Variants in IL12RB1 observed in about 807,000 individuals in gnomAD.
IL12RB1 encodes interleukin-12 receptor subunit beta-1.
Under a neutral mutation model 94.4 loss-of-function variants are expected in IL12RB1, and 64 were observed. The observed-to-expected ratio is 0.68, with a 90% CI of 0.55 to 0.83. The LOEUF (loss-of-function observed/expected upper bound fraction) is 0.83, where lower values mean the gene tolerates loss of function less well. IL12RB1 is among the 40% of genes least tolerant of loss of function. The pLI is 0.00. For synonymous variants in IL12RB1, 362 were observed against 355.5 expected (o/e 1.02, Z -0.21); for missense variants, 814 against 855.6 (o/e 0.95, Z 0.61).
In IL12RB1 at chr19:18,077,548, G is replaced by A. The variant is rs144702323; in HGVS notation, c.517C>T (p.Arg173Trp). 2.2e-5 allele frequency: 36 copies of A among 1,612,204 alleles called. No individual in the cohort carries two copies. Among genetic ancestry groups the A allele is most frequent in the Middle Eastern group, 1.7e-4 (1 of 6,046 alleles). ...CATGGGCTGCTGGGTGTCCGGTGCCGGAACTGCACCTCAGCACCAACCTGG... is the reference window on the plus strand; with the variant it reads ...CATGGGCTGCTGGGTGTCCGGTGCCAGAACTGCACCTCAGCACCAACCTGG... The part of the protein sequence containing the change: ...DNQVGAEVQF[R>W]HRTPSSPWKL... The change falls in exon 5 of 17, where the codon CGG (arginine) becomes TGG (tryptophan). Residue 173 changes from arginine (R) to tryptophan (W), a missense_variant. By Grantham distance (101) the Arg-to-Trp change is moderately radical. Coordinates refer to ENST00000593993, the MANE Select transcript of IL12RB1 (RefSeq NM_005535.3).
At chr19:18,077,700 G>A (rs1271073270) in intron 4 of IL12RB1, 45 bp from the exon 5 acceptor site, 1 of 1,261,420 alleles carries the variant, frequency 7.9e-7, no homozygotes, top group Non-Finnish European at 1.2e-6. Context: ...CCACACGTAT[G>A]TGAGTTAATG....
chr19:18,075,574 T>A lies in IL12RB1; in HGVS notation c.700+175A>T, dbSNP rs966192714. On this transcript the variant is annotated intron_variant, in intron 7 of 16. Coordinates refer to ENST00000593993, the MANE Select transcript of IL12RB1 (RefSeq NM_005535.3). ...CCACGCCCAGCCCCATTTTATTTTA[T>A]TTTTTAGAGATGGGGTCTCACTATG... 3.9e-5 allele frequency among the ~76,000 whole-genome samples: 6 copies of A among 152,142 alleles called. 1 individual carries two copies. The highest frequency in any genetic ancestry group is 1.4e-4 in the African/African-American group (6 of 41,436).
chr19:18,063,073 C>CTTT (rs2034272744), intron 13 of IL12RB1, among the ~76,000 whole-genome samples: 2 of 109,410 alleles, frequency 1.8e-5, no homozygotes, highest in Admixed American at 1.1e-4. Flanking sequence ...CCTTCTTCTT[C>CTTT]TTCTATTTTT....
intron 1 of IL12RB1, among the ~76,000 whole-genome samples, chr19:18,096,837 A>T (rs1420786322): frequency 1.3e-5 from 2 of 150,840 alleles, no homozygotes; most frequent in African/African-American, 4.9e-5. Flanking sequence ...TAAATTAAAA[A>T]AAAAAAAAAA....
chr19:18,080,329 C>T (rs2035802796), intron 4 of IL12RB1, among the ~76,000 whole-genome samples: 1 of 152,146 alleles, frequency 6.6e-6, no homozygotes, highest in African/African-American at 2.4e-5. Context: ...ACCTCCACCT[C>T]CCGGGTTCAA....
chr19:18,069,524 GCAGGCCATTC>G lies in IL12RB1; in HGVS notation c.1189+12_1189+21del. On this transcript the variant is annotated intron_variant, in intron 10 of 16. Coordinates refer to ENST00000593993, the MANE Select transcript of IL12RB1 (RefSeq NM_005535.3). ...GGGAGGGCACAGAGGAGGGGTAGGC[GCAGGCCATTC>G]CAGGCCATTACCCATTCCAGCCGGA... is the stretch of plus-strand genomic sequence containing the variant. The G allele has an allele frequency of 6.3e-7, 1 of 1,588,528 alleles. No homozygotes were observed. The highest frequency in any genetic ancestry group is 1.9e-4 in the Middle Eastern group (1 of 5,190).
intron 6 of IL12RB1, 94 bp downstream of exon 6, chr19:18,076,203 C>T (rs770470477): frequency 2.2e-5 from 17 of 780,164 alleles, no homozygotes; most frequent in Non-Finnish European, 3.3e-5. Flanking sequence ...AAGAGGCATA[C>T]AAAAAAATTC....
At chr19:18,069,426 AG>A (rs1233798891) in intron 10 of IL12RB1, 119 bp downstream of exon 10, 2 of 970,518 alleles carry the variant, frequency 2.1e-6, no homozygotes, top group East Asian at 5.3e-5. Context: ...TTGAGTAAGC[AG>A]CAACACCTCT....
intron 10 of IL12RB1, among the ~76,000 whole-genome samples, chr19:18,069,191 G>A (rs548324453): frequency 2.2e-4 from 34 of 152,274 alleles, no homozygotes; most frequent in South Asian, 1.0e-3. Flanking sequence ...TGAGCCTCAC[G>A]GCCCCCCTTT....
In IL12RB1 at chr19:18,059,963, A is replaced by G. The variant is rs199686420; in HGVS notation, c.1914T>C (p.Pro638=). 1.4e-3 allele frequency: 2,282 copies of G among 1,598,992 alleles called. 5 individuals are homozygous for G. The highest frequency in any genetic ancestry group is 1.7e-3 in the Middle Eastern group (10 of 6,044). Residue 638 remains proline, a synonymous_variant, in exon 16 of 17, where the codon CCT becomes CCC. Transcript: ENST00000593993. ...RTEPLEKTEL[P]EGAPELALDT... The stretch of plus-strand genomic sequence containing the variant: ...CCAGGGCCAGCTCAGGGGCACCCTC[A>G]GGTAGCTCTGTCTTCTCGAGAGGCT...
In IL12RB1 at chr19:18,059,439, T is replaced by C. The variant is rs2033960641; in HGVS notation, c.*169A>G. 9.2e-6 allele frequency: 6 copies of C among 652,872 alleles called. No individual in the cohort carries two copies. Among genetic ancestry groups the C allele is most frequent in the South Asian group, 6.7e-5 (4 of 59,602 alleles). 40.4% of individuals were successfully genotyped at this position (652,872 alleles called of 1,614,324 possible). On this transcript the variant is annotated 3_prime_UTR_variant, in exon 17 of 17. Transcript: ENST00000593993. ...GCAGGGTGCAGCAGCTTCCATTTCA[T>C]GGCAGCATCTAGGGTTCCCCCGCAG...
rs567051378 is a variant in IL12RB1 at position 18,061,127 on chromosome 19, T to C, written c.1786A>G (p.Lys596Glu). ...ATTAGAAAAGGCATCCTTACCTCCT[T>C]CCCTCCAGGGAACTCAATGGCGGAG... ...ASSAIEFPGG[K>E]ETWQWINPVD... The change falls in exon 15 of 17, where the codon AAG becomes GAG. Residue 596 changes from lysine to glutamate, a missense_variant. By Grantham distance (56) the Lys-to-Glu change is moderately conservative (BLOSUM62 1). Coordinates refer to ENST00000593993, the MANE Select transcript of IL12RB1 (RefSeq NM_005535.3). The C allele has an allele frequency of 3.8e-4, 591 of 1,572,068 alleles. 6 individuals carry two copies. In the South Asian group the frequency reaches 6.4e-3, roughly 17 times the overall value.
intron 1 of IL12RB1, chr19:18,098,682 C>T (rs1240574343): frequency 8.8e-6 from 4 of 455,652 alleles, no homozygotes; most frequent in Admixed American, 2.4e-5. Flanking sequence ...TGGCCATTTT[C>T]CTCTGGGACT....
chr19:18,068,406 T>A lies in IL12RB1; in HGVS notation c.1310A>T (p.Tyr437Phe). 6.2e-7 allele frequency: 1 copy of A among 1,612,526 alleles called. No individual in the cohort carries two copies. The highest frequency in any genetic ancestry group is 8.5e-7 in the Non-Finnish European group (1 of 1,179,194). Residue 437 changes from tyrosine (Y) to phenylalanine (F), a missense_variant, in exon 11 of 17, where the codon TAC (tyrosine) becomes TTC (phenylalanine). Tyr to Phe is a conservative substitution (Grantham distance 22). Transcript: ENST00000593993. ...LTLWSTVLSTYHFGGNASAAG... is the reference protein window; with the variant it reads ...LTLWSTVLSTFHFGGNASAAG... ...TCACTTACCATTGCCCCCAAAGTGG[T>A]AGGTGGACAGGACCGTAGACCACAA... is the stretch of plus-strand genomic sequence containing the variant.
At chr19:18,066,473 A>G (rs1346395265) in intron 12 of IL12RB1, 69 bp downstream of exon 12, 2 of 1,141,152 alleles carry the variant, frequency 1.8e-6, no homozygotes, top group Non-Finnish European at 2.6e-6. Flanking sequence ...CCAGGGTCAC[A>G]CAGCAAGAGA....
At chr19:18,060,392 T>TCC (rs2034035416) in intron 15 of IL12RB1, among the ~76,000 whole-genome samples, 1 of 152,010 alleles carries the variant, frequency 6.6e-6, no homozygotes, top group African/African-American at 2.4e-5. Context: ...AGCAGGAGAA[T>TCC]CGTTTGAACC....
intron 1 of IL12RB1, among the ~76,000 whole-genome samples, chr19:18,085,713 G>A (rs1209149262): frequency 6.6e-6 from 1 of 151,968 alleles, no homozygotes; most frequent in Non-Finnish European, 1.5e-5. Context: ...GGGTTCAAGC[G>A]ATCCTCCCAC....
Position 18,063,605 on chromosome 19 carries a change from T to C in IL12RB1, c.1618+271A>G, listed in dbSNP as rs200989513. ...TTGCTGGAGGAGGGAACTTTTGAGC[T>C]GAGTTTTGAAGGACGAATAGGAGTT... On this transcript the variant is annotated intron_variant, in intron 13 of 16. Coordinates refer to ENST00000593993, the MANE Select transcript of IL12RB1 (RefSeq NM_005535.3). Among the ~76,000 whole-genome samples, 24 of 152,204 alleles carry C rather than the reference T, an allele frequency of 1.6e-4. No individual in the cohort carries two copies. The East Asian group carries it at 4.3e-3, about 27-fold the overall frequency.
chr19:18,097,751 G>A, intron 1 of IL12RB1: 1 of 1,190,696 alleles, frequency 8.4e-7, no homozygotes, highest in Non-Finnish European at 1.0e-6. Flanking sequence ...GGCAGGCCGG[G>A]GCGGGGCCGG....
Sources: allele counts gnomAD v4.1 joint callset (sites outside exome capture counted in the v4.1 genomes callset), GRCh38; gene constraint gnomAD v4.1.1; transcripts MANE v1.5; gene names NCBI Gene and HGNC (gene_info 2026-07-23, HGNC 2026-07-21).